Variants in SCUBE1 observed in about 807,000 individuals in gnomAD.
The protein encoded by SCUBE1 is signal peptide, CUB and EGF-like domain-containing protein 1.
Under a neutral mutation model 124.4 loss-of-function variants are expected in SCUBE1, and 59 were observed. The observed-to-expected ratio is 0.47, with a 90% CI of 0.38 to 0.59. The LOEUF (loss-of-function observed/expected upper bound fraction) is 0.59, where lower values mean the gene tolerates loss of function less well. Ranked by LOEUF, SCUBE1 falls within the 20% of genes least tolerant of loss-of-function variation. The pLI is 0.00. For synonymous variants in SCUBE1, 545 were observed against 550.9 expected, an observed-to-expected ratio of 0.99 and a Z score of 0.15; for missense variants, 1,150 against 1,371.2, an observed-to-expected ratio of 0.84 and a Z score of 2.55.
chr22:43,292,791 G>A (rs900854756), intron 3 of SCUBE1, among the ~76,000 whole-genome samples: 2 of 152,174 alleles, frequency 1.3e-5, no homozygotes, highest in African/African-American at 2.4e-5. Flanking sequence ...GACACCACAC[G>A]GCTGCCTTTG....
intron 1 of SCUBE1, 59 bp downstream of exon 1, chr22:43,343,115 G>T: frequency 1.1e-6 from 1 of 878,224 alleles, no homozygotes; most frequent in Non-Finnish European, 1.4e-6. Context: ...CTCCGGGACC[G>T]CGCCTCGGCC....
chr22:43,229,204 G>T lies in SCUBE1; in HGVS notation c.968-16C>A. On this transcript the variant is annotated splice_polypyrimidine_tract_variant and intron_variant, in intron 8 of 21. Coordinates refer to ENST00000360835, the MANE Select transcript of SCUBE1 (RefSeq NM_173050.5). Reference sequence around the variant, plus strand: ...TCGTCGATGTCTGCGTGGCCACAGGGAGACAAAGTTGGGGGAGGAGTTTGA... The same window carrying T: ...TCGTCGATGTCTGCGTGGCCACAGGTAGACAAAGTTGGGGGAGGAGTTTGA... 3 of 1,526,914 alleles carry T rather than the reference G, an allele frequency of 2.0e-6. No individual in the cohort carries two copies. The highest frequency in any genetic ancestry group is 9.1e-7 in the Non-Finnish European group (1 of 1,103,328). The allele number at this position is 1,526,914 out of a possible 1,614,324, so 94.6% of individuals were successfully genotyped here. A position where few individuals can be genotyped will look rare whatever the true frequency, so the allele number is the denominator to read the frequency against.
chr22:43,286,040 C>T (rs7292089), intron 4 of SCUBE1, among the ~76,000 whole-genome samples: 8 of 152,170 alleles, frequency 5.3e-5, no homozygotes, highest in East Asian at 3.9e-4. Context: ...AGCAGAGCCT[C>T]GTTCCAAGAG....
chr22:43,293,845 G>A (rs1311303621), intron 3 of SCUBE1, among the ~76,000 whole-genome samples: 1 of 152,196 alleles, frequency 6.6e-6, no homozygotes, highest in African/African-American at 2.4e-5. Flanking sequence ...TGAGTTCCCA[G>A]TGCAGAAATG....
rs150986839 is a variant in SCUBE1 at position 43,304,402 on chromosome 22, G to C, written c.350-13222C>G. 7.3e-3 allele frequency among the ~76,000 whole-genome samples: 1,107 copies of C among 152,372 alleles called. 11 individuals are homozygous for C. Among genetic ancestry groups the C allele is most frequent in the Middle Eastern group, 0.02 (6 of 294 alleles). On this transcript the variant is annotated intron_variant, in intron 3 of 21. Coordinates refer to ENST00000360835, the MANE Select transcript of SCUBE1 (RefSeq NM_173050.5). ...CAGGGAGCTGCCATTCTAGGAAAGA[G>C]AGGTGGTGAGGACACTGGGAGACCA...
At chr22:43,259,663 C>A (rs962030968) in intron 5 of SCUBE1, among the ~76,000 whole-genome samples, 1 of 152,146 alleles carries the variant, frequency 6.6e-6, no homozygotes, top group Non-Finnish European at 1.5e-5. Flanking sequence ...CCACAGCGGG[C>A]GAGGAGGATG....
chr22:43,215,844 G>A (rs917221525), intron 15 of SCUBE1, among the ~76,000 whole-genome samples: 3 of 152,156 alleles, frequency 2.0e-5, no homozygotes, highest in Non-Finnish European at 4.4e-5. Flanking sequence ...AGGATTGCTG[G>A]AGCTGAATGG....
Position 43,211,825 on chromosome 22 carries a change from C to T in SCUBE1, c.2221+600G>A, listed in dbSNP as rs1483700185. Among the ~76,000 whole-genome samples the T allele has an allele frequency of 6.6e-6, 1 of 152,078 alleles. No homozygotes were observed. The highest frequency in any genetic ancestry group is 2.4e-5 in the African/African-American group (1 of 41,426). On this transcript the variant is annotated intron_variant, in intron 17 of 21. Transcript: ENST00000360835. This position sits in a 1 kb window ranked among gnomAD's most constrained non-coding sequence, Gnocchi z 4.5. ...AGGTGTGTGCCACCGCACCTGGCTT[C>T]TTTTTTTAAATGGGCAAATTCAGAA...
At chr22:43,239,606 AC>A (rs1418608177) in intron 6 of SCUBE1, among the ~76,000 whole-genome samples, 1 of 152,246 alleles carries the variant, frequency 6.6e-6, no homozygotes, top group Non-Finnish European at 1.5e-5. Context: ...TCAGGGCATA[AC>A]CGAGGTCATT....
chr22:43,267,770 G>T (rs1349403932), intron 4 of SCUBE1, among the ~76,000 whole-genome samples: 2 of 152,184 alleles, frequency 1.3e-5, no homozygotes, highest in African/African-American at 2.4e-5. Flanking sequence ...AGAGCGGGTG[G>T]CATGCCCTCT....
Position 43,212,426 on chromosome 22 carries a change from T to C in SCUBE1, c.2220A>G (p.Lys740=), listed in dbSNP as rs1921605242. ...GTTSFQDCEA[K]VHCSPGHHYN... ...GCGTGGTGGGGAGGGCATGCTCACC[T>C]TTAGCCTCGCAGTCCTGGAAGGAGG... The change falls in exon 17 of 22, where the codon AAA becomes AAG. Residue 740 remains lysine (K), a splice_region_variant and synonymous_variant. Coordinates refer to ENST00000360835, the MANE Select transcript of SCUBE1 (RefSeq NM_173050.5). The C allele has an allele frequency of 1.3e-6, 2 of 1,550,534 alleles. No individual in the cohort carries two copies. The highest frequency in any genetic ancestry group is 2.7e-5 in the African/African-American group (2 of 73,168).
intron 13 of SCUBE1, 103 bp from the exon 14 acceptor site, chr22:43,220,690 C>T (rs1922052560): frequency 2.8e-6 from 4 of 1,426,966 alleles, no homozygotes; most frequent in Middle Eastern, 2.1e-4. Flanking sequence ...CTTCCTGGTC[C>T]GTGGTGCAGA....
In SCUBE1 at chr22:43,201,900, T is replaced by C. The variant is rs1395869178; in HGVS notation, c.*2097A>G. On this transcript the variant is annotated 3_prime_UTR_variant, in exon 22 of 22. Coordinates refer to ENST00000360835, the MANE Select transcript of SCUBE1 (RefSeq NM_173050.5). ...CTCGGCAGGATGCTCGCCTCTCATCTTGGGGATGACTGACGGCTCCACAAA... is the reference window on the plus strand; with the variant it reads ...CTCGGCAGGATGCTCGCCTCTCATCCTGGGGATGACTGACGGCTCCACAAA... The C allele has an allele frequency of 1.3e-5, 2 of 152,186 alleles. No individual in the cohort carries two copies. Among genetic ancestry groups the C allele is most frequent in the Admixed American group, 1.3e-4 (2 of 15,276 alleles). 9.4% of individuals were successfully genotyped at this position (152,186 alleles called of 1,614,324 possible).
intron 14 of SCUBE1, among the ~76,000 whole-genome samples, chr22:43,219,264 C>T (rs542712359): frequency 1.0e-3 from 153 of 152,120 alleles, no homozygotes; most frequent in African/African-American, 3.4e-3. Context: ...ACATAGGCAC[C>T]CCCTCCCCTC....
At chr22:43,276,888 C>T (rs1004421850) in intron 4 of SCUBE1, among the ~76,000 whole-genome samples, 1 of 152,226 alleles carries the variant, frequency 6.6e-6, no homozygotes, top group Non-Finnish European at 1.5e-5. Context: ...AGCATGCTTT[C>T]GGTTCTCACG....
intron 14 of SCUBE1, 90 bp from the exon 15 acceptor site, chr22:43,218,548 G>A: frequency 7.2e-7 from 1 of 1,395,812 alleles, no homozygotes; most frequent in Admixed American, 1.8e-5. Flanking sequence ...GCCAGGCCCT[G>A]CACTGGGCTC....
intron 3 of SCUBE1, among the ~76,000 whole-genome samples, chr22:43,304,931 C>T (rs1165423338): frequency 6.6e-6 from 1 of 152,128 alleles, no homozygotes; most frequent in East Asian, 1.9e-4. Context: ...CCTGGGAGCT[C>T]CCTGAGGGCA....
intron 2 of SCUBE1, among the ~76,000 whole-genome samples, chr22:43,336,304 T>G (rs988157759): frequency 1.3e-5 from 2 of 152,128 alleles, no homozygotes; most frequent in Non-Finnish European, 2.9e-5. Flanking sequence ...CTCTGTCTCA[T>G]TGCACAGGGT....
chr22:43,225,452 A>T (rs1430601407), intron 10 of SCUBE1, among the ~76,000 whole-genome samples: 2 of 151,860 alleles, frequency 1.3e-5, no homozygotes, highest in Non-Finnish European at 2.9e-5. Flanking sequence ...CTTGGATGGA[A>T]GAAAAAGTTC....
Sources: gnomAD v4.1 joint callset for allele counts (sites outside exome capture counted in the v4.1 genomes callset) on GRCh38, gnomAD v4.1.1 for gene constraint, Gnocchi (gnomAD v3.1) non-coding constraint, MANE v1.5 for transcripts, NCBI Gene and HGNC (gene_info 2026-07-23, HGNC 2026-07-21) for gene names.